The following ZFP69B variants were observed in gnomAD, a reference collection of about 807,000 sequenced individuals.
ZFP69B encodes the protein ZFP69 zinc finger protein B.
ZFP69B carries 20 observed loss-of-function variants against 19.7 expected under a neutral mutation model. The observed-to-expected ratio is 1.02, with a 90% CI of 0.71 to 1.48. ZFP69B has a LOEUF of 1.48. ZFP69B is among the 40% of genes most tolerant of loss of function. The pLI is 0.00. For missense variants in ZFP69B, 583 were observed against 632.6 expected, an observed-to-expected ratio of 0.92 and a Z score of 0.84; for synonymous variants, 220 against 222.7, an observed-to-expected ratio of 0.99 and a Z score of 0.11.
intron 4 of ZFP69B, among the ~76,000 whole-genome samples, chr1:40,459,258 C>T (rs574883430): frequency 1.3e-5 from 2 of 152,310 alleles, no homozygotes; most frequent in East Asian, 3.9e-4. Flanking sequence ...TATTCCTTCC[C>T]TGCCCATATT....
At chr1:40,452,205 G>T (rs1314363527) in intron 1 of ZFP69B, among the ~76,000 whole-genome samples, 1 of 151,994 alleles carries the variant, frequency 6.6e-6, no homozygotes, top group Non-Finnish European at 1.5e-5. Flanking sequence ...AAGGTTAATG[G>T]GGAACAGATA....
intron 4 of ZFP69B, among the ~76,000 whole-genome samples, chr1:40,461,153 A>G (rs968362112): frequency 6.6e-6 from 1 of 151,758 alleles, no homozygotes; most frequent in Non-Finnish European, 1.5e-5. Context: ...CACAAAAAAA[A>G]AAAAAAAAAA....
Position 40,463,365 on chromosome 1 carries a change from C to T in ZFP69B, c.1381C>T (p.His461Tyr). 3 of 1,613,980 alleles carry T rather than the reference C, an allele frequency of 1.9e-6. No homozygotes were observed. The highest frequency in any genetic ancestry group is 2.5e-6 in the Non-Finnish European group (3 of 1,179,980). The change falls in exon 5 of 5, where the codon CAT (histidine) becomes TAT (tyrosine). Residue 461 changes from histidine (H) to tyrosine (Y), a missense_variant. His to Tyr is a moderately conservative substitution (Grantham distance 83, BLOSUM62 2). Coordinates refer to ENST00000361584, the MANE Select transcript of ZFP69B (RefSeq NM_023070.3). ...ECGKAFSQRI[H>Y]LSIHQRVHTG... Reference sequence around the variant, plus strand: ...TGGGAAAGCCTTTAGCCAGAGAATACATCTTTCTATCCATCAGAGAGTCCA... The same window carrying T: ...TGGGAAAGCCTTTAGCCAGAGAATATATCTTTCTATCCATCAGAGAGTCCA...
At chr1:40,452,877 T>C (rs1176571436) in intron 1 of ZFP69B, among the ~76,000 whole-genome samples, 5 of 152,074 alleles carry the variant, frequency 3.3e-5, no homozygotes, top group Non-Finnish European at 5.9e-5. Context: ...TATTAACAAT[T>C]GTTGAATCTA....
chr1:40,451,331 G>A lies in ZFP69B; in HGVS notation c.127+243G>A, dbSNP rs531510880. ...TTTCATCTTTCCCATGGCCATGTGG[G>A]GCAGGATGGACTTAACCTGATTTTT... is the stretch of plus-strand genomic sequence containing the variant. On this transcript the variant is annotated intron_variant, in intron 1 of 4. Coordinates refer to ENST00000361584, the MANE Select transcript of ZFP69B (RefSeq NM_023070.3). 3.3e-5 allele frequency among the ~76,000 whole-genome samples: 5 copies of A among 152,146 alleles called. No homozygotes were observed. In the East Asian group the frequency reaches 9.6e-4, roughly 29 times the overall value.
At chr1:40,453,902 AAAAG>A in intron 1 of ZFP69B, among the ~76,000 whole-genome samples, 1 of 151,312 alleles carries the variant, frequency 6.6e-6, no homozygotes, top group Non-Finnish European at 1.5e-5. Context: ...AAAATAACAA[AAAAG>A]AAATCTATAT....
At position 40,457,419 on chromosome 1, in the gene ZFP69B, T is replaced by A; in HGVS notation, c.416T>A (p.Ile139Asn). The change falls in exon 4 of 5, where the codon ATT becomes AAT. Residue 139 changes from isoleucine to asparagine, a missense_variant. Coordinates refer to ENST00000361584, the MANE Select transcript of ZFP69B (RefSeq NM_023070.3). ...GEEPWLMERD[I>N]SGVPSSDLKS... is the part of the protein sequence containing the mutation. ...GAACCATGGCTGATGGAGAGAGATA[T>A]TTCAGGAGTTCCAAGTTCAGGTAAG... The A allele has an allele frequency of 6.2e-7, 1 of 1,614,164 alleles. No homozygotes were observed. The highest frequency in any genetic ancestry group is 8.5e-7 in the Non-Finnish European group (1 of 1,180,010).
chr1:40,450,930 G>A lies in ZFP69B; in HGVS notation c.-32G>A, dbSNP rs1040877156. 6 of 1,530,988 alleles carry A rather than the reference G, an allele frequency of 3.9e-6. No individual in the cohort carries two copies. The African/African-American group carries it at 8.3e-5, about 21-fold the overall frequency. The allele number at this position is 1,530,988 out of a possible 1,614,324, so 94.8% of individuals were successfully genotyped here. A position where few individuals can be genotyped will look rare whatever the true frequency, so the allele number is the denominator to read the frequency against. ...TGGACAAGCCCTATGGGCTAAGACA[G>A]AGGGTCCTCAGAAAGGAGTGCGGAC... On this transcript the variant is annotated 5_prime_UTR_variant, in exon 1 of 5. Transcript: ENST00000361584.
chr1:40,458,795 C>G (rs1381531574), intron 4 of ZFP69B, among the ~76,000 whole-genome samples: 3 of 152,156 alleles, frequency 2.0e-5, no homozygotes, highest in Non-Finnish European at 4.4e-5. Context: ...GCTAGGATTA[C>G]AGGCATGAGC....
intron 4 of ZFP69B, among the ~76,000 whole-genome samples, chr1:40,462,154 A>G (rs1645291009): frequency 6.6e-6 from 1 of 152,112 alleles, no homozygotes; most frequent in Non-Finnish European, 1.5e-5. Context: ...TCCTGGGCTC[A>G]AGCAATCCTC....
chr1:40,454,325 T>C, intron 2 of ZFP69B, 37 bp downstream of exon 2: 1 of 1,465,564 alleles, frequency 6.8e-7, no homozygotes, highest in Non-Finnish European at 9.2e-7. Context: ...TTGACATTGT[T>C]TCTCAGATTT....
Position 40,463,634 on chromosome 1 carries a change from A to G in ZFP69B, c.*45A>G, listed in dbSNP as rs1444186708. On this transcript the variant is annotated 3_prime_UTR_variant, in exon 5 of 5. Transcript: ENST00000361584. ...AATCTATGTTGGAGCACAAGATTCT[A>G]AATCAGTGGTTCCCTGATCCCTCAA... 3.4e-6 allele frequency: 5 copies of G among 1,484,584 alleles called. No individual in the cohort carries two copies. Among genetic ancestry groups the G allele is most frequent in the Non-Finnish European group, 4.5e-6 (5 of 1,102,174 alleles). 92.0% of individuals were successfully genotyped at this position (1,484,584 alleles called of 1,614,324 possible).
intron 4 of ZFP69B, 32 bp from the exon 5 acceptor site, chr1:40,462,389 A>T: frequency 6.5e-7 from 1 of 1,542,674 alleles, no homozygotes; most frequent in Non-Finnish European, 8.7e-7. Flanking sequence ...AGTGCAAGGA[A>T]TATGGATCTT....
chr1:40,455,913 A>G (rs941582484), intron 2 of ZFP69B, among the ~76,000 whole-genome samples: 1 of 152,106 alleles, frequency 6.6e-6, no homozygotes, highest in Non-Finnish European at 1.5e-5. Context: ...AGCTTCATCC[A>G]TGTCCCTGCA....
Position 40,462,715 on chromosome 1 carries a change from G to C in ZFP69B, c.731G>C (p.Gly244Ala), listed in dbSNP as rs377590446. 1 of 1,613,962 alleles carries C rather than the reference G, an allele frequency of 6.2e-7. No individual in the cohort carries two copies. The highest frequency in any genetic ancestry group is 1.3e-5 in the African/African-American group (1 of 74,914). ...VKSEVMPGPI[G>A]LPRKRDRKYD... ...TCAGAAGTTATGCCAGGACCAATAG[G>C]TCTTCCAAGAAAAAGAGATCGTAAA... The change falls in exon 5 of 5, where the codon GGT becomes GCT. Residue 244 changes from glycine (G) to alanine (A), a missense_variant. Transcript: ENST00000361584.
chr1:40,455,386 G>T (rs566919969), intron 2 of ZFP69B, among the ~76,000 whole-genome samples: 122 of 152,256 alleles, frequency 8.0e-4, no homozygotes, highest in Non-Finnish European at 1.5e-3. Context: ...AAATCATAGG[G>T]TTTAATCCTA....
In ZFP69B at chr1:40,450,688, G is replaced by T. The variant is rs1049658496; in HGVS notation, c.-274G>T. The T allele has an allele frequency of 8.0e-6, 2 of 250,570 alleles. No individual in the cohort carries two copies. Among genetic ancestry groups the T allele is most frequent in the Non-Finnish European group, 7.6e-6 (1 of 130,832 alleles). 15.5% of individuals were successfully genotyped at this position (250,570 alleles called of 1,614,324 possible). ...AGGGGCTGCTGAGAGTAAATACTTG[G>T]CGCCTCCAGCTGCTGGCCAAGGAGA... On this transcript the variant is annotated 5_prime_UTR_variant, in exon 1 of 5. Transcript: ENST00000361584.
intron 1 of ZFP69B, among the ~76,000 whole-genome samples, chr1:40,452,343 G>C (rs142230356): frequency 9.2e-5 from 14 of 152,276 alleles, no homozygotes; most frequent in African/African-American, 3.1e-4. Context: ...GGATAGCCGG[G>C]CATTTTATAC....
At chr1:40,460,023 G>C (rs1413220565) in intron 4 of ZFP69B, among the ~76,000 whole-genome samples, 1 of 152,070 alleles carries the variant, frequency 6.6e-6, no homozygotes, top group Non-Finnish European at 1.5e-5. Flanking sequence ...AGATTTTACA[G>C]AGTAATCAAC....
Sources: gnomAD v4.1 joint callset for allele counts (sites outside exome capture counted in the v4.1 genomes callset) on GRCh38, gnomAD v4.1.1 for gene constraint, MANE v1.5 for transcripts, NCBI Gene and HGNC (gene_info 2026-07-23, HGNC 2026-07-21) for gene names.